The following CACNA1C variants were observed in gnomAD, a reference collection of about 807,000 sequenced individuals.
CACNA1C encodes the protein calcium voltage-gated channel subunit alpha1 C, also known as voltage-dependent L-type calcium channel subunit alpha-1C.
CACNA1C carries 30 observed loss-of-function variants against 229.0 expected under a neutral mutation model. The observed-to-expected ratio is 0.13, with a 90% CI of 0.10 to 0.18. The LOEUF is 0.18. CACNA1C is among the 10% of genes least tolerant of loss of function. The pLI, the probability that CACNA1C is intolerant of heterozygous loss-of-function variation, is 1.00. For missense variants in CACNA1C, 1,658 were observed against 2,845.0 expected (o/e 0.58, Z 9.49); for synonymous variants, 1,114 against 1,132.5 (o/e 0.98, Z 0.33).
chr12:1,987,612 G>T (rs888775008), intron 1 of CACNA1C, among the ~76,000 whole-genome samples: 1 of 151,874 alleles, frequency 6.6e-6, no homozygotes, highest in Non-Finnish European at 1.5e-5. Flanking sequence ...TTTTCTTATG[G>T]TATTTAAATC....
intron 6 of CACNA1C, among the ~76,000 whole-genome samples, chr12:2,491,700 G>C (rs549420633): frequency 1.3e-5 from 2 of 151,956 alleles, no homozygotes; most frequent in Non-Finnish European, 2.9e-5. Context: ...AGACACAATC[G>C]GGCATATATT....
intron 11 of CACNA1C, among the ~76,000 whole-genome samples, chr12:2,565,384 G>C (rs867814815): frequency 1.3e-5 from 2 of 151,334 alleles, no homozygotes; most frequent in African/African-American, 4.9e-5. Flanking sequence ...GGAGAATGGC[G>C]TGAACCCGGG....
intron 3 of CACNA1C, among the ~76,000 whole-genome samples, chr12:2,311,625 A>G (rs1466795499): frequency 1.3e-5 from 2 of 152,140 alleles, no homozygotes; most frequent in Non-Finnish European, 2.9e-5. Context: ...GCAGGCAGGA[A>G]CCTCTTCCGC....
chr12:2,421,858 C>T (rs1411269150), intron 3 of CACNA1C, among the ~76,000 whole-genome samples: 6 of 151,938 alleles, frequency 3.9e-5, no homozygotes, highest in African/African-American at 1.5e-4. Context: ...TTGCAGTGAG[C>T]CAAGATCATG....
At chr12:2,603,229 T>TGTGG (rs2073650850) in intron 22 of CACNA1C, 1 of 152,252 alleles carries the variant, frequency 6.6e-6, no homozygotes, top group Non-Finnish European at 1.5e-5. Flanking sequence ...TTTTCCCATC[T>TGTGG]GACCTTTAAA....
intron 3 of CACNA1C, among the ~76,000 whole-genome samples, chr12:2,246,481 G>A (rs1168798304): frequency 6.6e-6 from 1 of 152,182 alleles, no homozygotes; most frequent in Non-Finnish European, 1.5e-5. Context: ...GTGTTTCTGA[G>A]TAATAGCAGC....
At chr12:2,438,286 A>AATGATAGTGGTG (rs2099168602) in intron 3 of CACNA1C, among the ~76,000 whole-genome samples, 1 of 83,876 alleles carries the variant, frequency 1.2e-5, no homozygotes, top group Non-Finnish European at 2.3e-5. Context: ...TGATAGTGGT[A>AATGATAGTGGTG]ATGATGGTGG....
chr12:2,339,802 C>T (rs2096807311), intron 3 of CACNA1C, among the ~76,000 whole-genome samples: 1 of 152,150 alleles, frequency 6.6e-6, no homozygotes, highest in South Asian at 2.1e-4. Flanking sequence ...TGTTATGCAG[C>T]ACGTGACTGT....
intron 3 of CACNA1C, among the ~76,000 whole-genome samples, chr12:2,339,445 T>C (rs2154520715): frequency 6.6e-6 from 1 of 152,342 alleles, no homozygotes; most frequent in East Asian, 1.9e-4. Flanking sequence ...AAAAAATATG[T>C]TTCTTCCTGC....
intron 3 of CACNA1C, among the ~76,000 whole-genome samples, chr12:2,196,797 C>T (rs1011056426): frequency 2.0e-5 from 3 of 152,152 alleles, no homozygotes; most frequent in Admixed American, 1.3e-4. Flanking sequence ...AGGGAAGCAG[C>T]GACCAGAGCA....
At chr12:2,279,408 C>T (rs867377291) in intron 3 of CACNA1C, among the ~76,000 whole-genome samples, 5 of 152,160 alleles carry the variant, frequency 3.3e-5, no homozygotes, top group African/African-American at 1.2e-4. Flanking sequence ...TATTCTAGAC[C>T]TTCTGCATTT....
chr12:2,275,404 C>T lies in CACNA1C; in HGVS notation c.477+154974C>T, dbSNP rs912728100. On this transcript the variant is annotated intron_variant, in intron 3 of 46. Transcript: ENST00000399655. This position sits in a 1 kb window ranked among gnomAD's most constrained non-coding sequence, Gnocchi z 4.1. ...TGTGTCTTCCCGGAAGGCTCGTGCCCGCACAGATTGTCTGGTGAGCCCGCC... is the reference window on the plus strand; with the variant it reads ...TGTGTCTTCCCGGAAGGCTCGTGCCTGCACAGATTGTCTGGTGAGCCCGCC... 1.2e-4 allele frequency among the ~76,000 whole-genome samples: 18 copies of T among 152,096 alleles called. No individual in the cohort carries two copies. Among genetic ancestry groups the T allele is most frequent in the African/African-American group, 3.1e-4 (13 of 41,396 alleles).
rs149594551 is a variant in CACNA1C, at chr12:2,555,369, A to G, written c.1482-1582A>G. On this transcript the variant is annotated intron_variant, in intron 10 of 46. Transcript: ENST00000399655. ...AGGTGTTTCTGAAAGAAGGCCTGGG[A>G]CCAGGCTAGGCTTGGAGTCAGAGTG... Among the ~76,000 whole-genome samples the G allele has an allele frequency of 8.3e-3, 1,270 of 152,332 alleles. 7 individuals are homozygous for G. The highest frequency in any genetic ancestry group is 0.01 in the Non-Finnish European group (694 of 68,020).
rs1373685560 is a variant in CACNA1C, at chr12:2,608,570, G to A, written c.3416G>A (p.Arg1139His). Reference sequence around the variant, plus strand: ...GACAAGGGCCCCATCTACAACTACCGTGTGGAGATCTCCATCTTCTTCATC... The same window carrying A: ...GACAAGGGCCCCATCTACAACTACCATGTGGAGATCTCCATCTTCTTCATC... ...TEDKGPIYNYRVEISIFFIIY... is the reference protein window; with the variant it reads ...TEDKGPIYNYHVEISIFFIIY... The change falls in exon 27 of 47, where the codon CGT (arginine) becomes CAT (histidine). Residue 1139 changes from arginine to histidine, a missense_variant. By Grantham distance (29) the Arg-to-His change is conservative. Around this residue, in one of 20 missense-constraint regions of CACNA1C, gnomAD observed 77 missense variants for 130.9 expected, o/e 0.59. Coordinates refer to ENST00000399655, the MANE Select transcript of CACNA1C (RefSeq NM_000719.7). This position sits in a 1 kb window ranked among gnomAD's most constrained non-coding sequence, Gnocchi z 4.2. 24 of 1,613,508 alleles carry A rather than the reference G, an allele frequency of 1.5e-5. No homozygotes were observed. Among genetic ancestry groups the A allele is most frequent in the East Asian group, 1.3e-4 (6 of 44,896 alleles).
At chr12:2,012,839 G>T (rs1331336073) in intron 1 of CACNA1C, among the ~76,000 whole-genome samples, 1 of 152,184 alleles carries the variant, frequency 6.6e-6, no homozygotes, top group African/African-American at 2.4e-5. Flanking sequence ...CACAATAAGA[G>T]CTTGGATGCT....
intron 13 of CACNA1C, among the ~76,000 whole-genome samples, chr12:2,571,765 G>A (rs2054564599): frequency 6.6e-6 from 1 of 152,134 alleles, no homozygotes; most frequent in Non-Finnish European, 1.5e-5. Context: ...AGCCTCTGGG[G>A]GCTTTCGGAA....
intron 3 of CACNA1C, among the ~76,000 whole-genome samples, chr12:2,192,050 ACATACACACT>A (rs1262357793): frequency 6.6e-6 from 1 of 151,918 alleles, no homozygotes; most frequent in African/African-American, 2.4e-5. Context: ...ACAGGCACAC[ACATACACACT>A]CAGGCACAGA....
chr12:2,185,622 G>A (rs1480721678), intron 3 of CACNA1C, among the ~76,000 whole-genome samples: 1 of 152,246 alleles, frequency 6.6e-6, no homozygotes, highest in African/African-American at 2.4e-5. Flanking sequence ...GAAGACATGG[G>A]GAGAAGAGGG....
At chr12:2,434,099 T>C (rs2099111855) in intron 3 of CACNA1C, among the ~76,000 whole-genome samples, 1 of 152,208 alleles carries the variant, frequency 6.6e-6, no homozygotes, top group South Asian at 2.1e-4. Context: ...GAGTCTCACC[T>C]GCGCTCCCTT....
Sources: gnomAD v4.1 joint callset for allele counts (sites outside exome capture counted in the v4.1 genomes callset) on GRCh38, gnomAD v4.1.1 for gene constraint, gnomAD v4.1.1 regional missense constraint, Gnocchi (gnomAD v3.1) non-coding constraint, MANE v1.5 for transcripts, NCBI Gene and HGNC (gene_info 2026-07-23, HGNC 2026-07-21) for gene names.